NHS: variants seen among roughly 807,000 people sequenced by gnomAD.
NHS encodes NHS actin remodeling regulator, also known as actin remodeling regulator NHS.
A neutral mutation model predicts 72.5 loss-of-function variants in NHS; 5 were observed. The ratio of observed to expected loss-of-function variants is 0.07; its 90% CI spans 0.04 to 0.14. The LOEUF (loss-of-function observed/expected upper bound fraction) is 0.14, where lower values mean the gene tolerates loss of function less well. NHS is among the 10% of genes least tolerant of loss of function. NHS has a pLI of 1.00. For synonymous variants in NHS, 464 were observed against 547.7 expected, an observed-to-expected ratio of 0.85 and a Z score of 2.13; for missense variants, 1,072 against 1,355.7, an observed-to-expected ratio of 0.79 and a Z score of 3.29.
At chrX:17,695,942 A>AAAG (rs1491139247) in intron 3 of NHS, among the ~76,000 whole-genome samples, 2 of 93,127 alleles carry the variant, frequency 2.1e-5, no homozygotes, top group Non-Finnish European at 4.3e-5. Flanking sequence ...AAAAAAAAAA[A>AAAG]GGGGGGGGGT....
chrX:17,684,941 C>T (rs1239415509), intron 1 of NHS, among the ~76,000 whole-genome samples: 1 of 112,099 alleles, frequency 8.9e-6, no homozygotes, highest in Non-Finnish European at 1.9e-5. Context: ...ACTAAGCCTG[C>T]TATCTTGCAT....
chrX:17,687,573 C>A, intron 1 of NHS, 169 bp from the exon 2 acceptor site: 2 of 633,126 alleles, frequency 3.2e-6, no homozygotes, highest in East Asian at 3.3e-5. Context: ...CTATCAGTAT[C>A]ATAAATGCCA....
chrX:17,395,215 C>A (rs2064467752), intron 1 of NHS, among the ~76,000 whole-genome samples: 1 of 110,180 alleles, frequency 9.1e-6, no homozygotes, highest in South Asian at 3.8e-4. Flanking sequence ...TATCCAGGTG[C>A]AACTTTGAAT....
At chrX:17,434,542 C>G (rs1172122650) in intron 1 of NHS, among the ~76,000 whole-genome samples, 1 of 104,097 alleles carries the variant, frequency 9.6e-6, no homozygotes, top group African/African-American at 3.6e-5. Context: ...CTCCCGGGTT[C>G]ACGCCATTCT....
At chrX:17,656,558 A>T (rs1017065558) in intron 1 of NHS, among the ~76,000 whole-genome samples, 1 of 112,827 alleles carries the variant, frequency 8.9e-6, no homozygotes, top group Non-Finnish European at 1.9e-5. Context: ...GAGCTGAGCG[A>T]GGGTGAGCTG....
chrX:17,635,113 ACT>A (rs2065839177), intron 1 of NHS, among the ~76,000 whole-genome samples: 1 of 111,105 alleles, frequency 9.0e-6, no homozygotes, highest in Admixed American at 9.5e-5. Context: ...GTGGCCCGAG[ACT>A]CTGCATTCTA....
At chrX:17,529,163 G>T (rs761960617) in intron 1 of NHS, among the ~76,000 whole-genome samples, 1 of 111,057 alleles carries the variant, frequency 9.0e-6, no homozygotes, top group South Asian at 3.8e-4. Flanking sequence ...GTCAAGAAGG[G>T]TGCTATATAA....
At chrX:17,458,221 CTTTGTTTGTTTG>C (rs746335046) in intron 1 of NHS, among the ~76,000 whole-genome samples, 1 of 110,481 alleles carries the variant, frequency 9.1e-6, no homozygotes, top group Non-Finnish European at 1.9e-5. Flanking sequence ...CATTCTTTTT[CTTTGTTTGTTTG>C]TTTGTTTGTT....
At chrX:17,600,034 A>G (rs1390050602) in intron 1 of NHS, among the ~76,000 whole-genome samples, 5 of 111,453 alleles carry the variant, frequency 4.5e-5, no homozygotes, top group African/African-American at 1.6e-4. Flanking sequence ...AGCCCAATAA[A>G]TGCCTGTAAT....
chrX:17,725,109 C>T (rs2066432182), intron 6 of NHS, among the ~76,000 whole-genome samples: 1 of 110,476 alleles, frequency 9.1e-6, no homozygotes, highest in Non-Finnish European at 1.9e-5. Context: ...GGATAATTCA[C>T]AAAAGACATA....
intron 1 of NHS, among the ~76,000 whole-genome samples, chrX:17,433,920 A>T (rs2064707415): frequency 8.9e-6 from 1 of 112,196 alleles, no homozygotes; most frequent in African/African-American, 3.2e-5. Context: ...TTAACCCAAT[A>T]AGTGTTATTT....
intron 1 of NHS, among the ~76,000 whole-genome samples, chrX:17,487,028 C>T (rs1216266562): frequency 8.9e-6 from 1 of 111,765 alleles, no homozygotes; most frequent in East Asian, 2.8e-4. Context: ...CCAGTTAGTC[C>T]AGCCCCAATG....
intron 1 of NHS, among the ~76,000 whole-genome samples, chrX:17,576,935 T>G (rs1035508456): frequency 8.9e-6 from 1 of 111,902 alleles, no homozygotes; most frequent in Non-Finnish European, 1.9e-5. Context: ...CTCCTCCCAG[T>G]GCACAGACAG....
chrX:17,521,882 T>G (rs1342320056), intron 1 of NHS, among the ~76,000 whole-genome samples: 1 of 112,759 alleles, frequency 8.9e-6, no homozygotes, highest in Non-Finnish European at 1.9e-5. Context: ...TGAAGCAAAG[T>G]GGAAAACTAA....
Position 17,731,954 on chromosome X carries a change from T to A in NHS, c.4446T>A (p.Ser1482Arg). ...APLSSSSSSA[S>R]SITSPSSNVT... Reference sequence around the variant, plus strand: ...TCAGCAGTAGCAGCAGCAGCGCCAGTTCCATCACTTCACCCAGCAGTAATG... The same window carrying A: ...TCAGCAGTAGCAGCAGCAGCGCCAGATCCATCACTTCACCCAGCAGTAATG... The change falls in exon 9 of 9, where the codon AGT (serine) becomes AGA (arginine). Residue 1482 changes from serine (S) to arginine (R), a missense_variant. By Grantham distance (110) the Ser-to-Arg change is moderately radical. Coordinates refer to ENST00000676302, the MANE Select transcript of NHS (RefSeq NM_001291867.2). The A allele has an allele frequency of 8.3e-7, 1 of 1,211,414 alleles. No homozygotes were observed.
intron 1 of NHS, among the ~76,000 whole-genome samples, chrX:17,568,398 T>A (rs1292661613): frequency 8.9e-6 from 1 of 111,920 alleles, no homozygotes; most frequent in Admixed American, 9.5e-5. Context: ...ATAATCTATA[T>A]CAAGCATATG....
intron 1 of NHS, among the ~76,000 whole-genome samples, chrX:17,513,672 C>T (rs1017939440): frequency 9.8e-5 from 11 of 111,806 alleles, no homozygotes; most frequent in Non-Finnish European, 1.3e-4. Flanking sequence ...TCACTGGTTT[C>T]GACCAGTGGG....
chrX:17,391,196 T>C (rs1198793143), intron 1 of NHS, among the ~76,000 whole-genome samples: 1 of 111,982 alleles, frequency 8.9e-6, no homozygotes, highest in African/African-American at 3.3e-5. Flanking sequence ...GGTTCAAGGT[T>C]TGTTCTCTGA....
intron 1 of NHS, among the ~76,000 whole-genome samples, chrX:17,518,595 C>T (rs2065132120): frequency 8.9e-6 from 1 of 112,000 alleles, no homozygotes; most frequent in South Asian, 3.7e-4. Context: ...TTCCAAAATC[C>T]TTCCATCTGC....
Sources: allele counts gnomAD v4.1 joint callset (sites outside exome capture counted in the v4.1 genomes callset), GRCh38; gene constraint gnomAD v4.1.1; transcripts MANE v1.5; gene names NCBI Gene and HGNC (gene_info 2026-07-23, HGNC 2026-07-21).